VTI1A: variants seen among roughly 807,000 people sequenced by gnomAD.
The protein encoded by VTI1A is vesicle transport through interaction with t-SNAREs 1A.
A neutral mutation model predicts 34.9 loss-of-function variants in VTI1A; 22 were observed. The observed-to-expected ratio is 0.63, with a 90% CI of 0.45 to 0.90. VTI1A has a LOEUF of 0.90. VTI1A is among the 40% of genes least tolerant of loss of function. The pLI is 0.00. For missense variants in VTI1A, 268 were observed against 275.6 expected, an observed-to-expected ratio of 0.97 and a Z score of 0.20; for synonymous variants, 87 against 97.3, an observed-to-expected ratio of 0.89 and a Z score of 0.62.
At chr10:112,803,421 G>C (rs1852947073) in intron 7 of VTI1A, among the ~76,000 whole-genome samples, 1 of 152,188 alleles carries the variant, frequency 6.6e-6, no homozygotes, top group Non-Finnish European at 1.5e-5. Context: ...TAAGAGGTGG[G>C]GCCACTGATG....
At chr10:112,514,255 G>T (rs1849702827) in intron 3 of VTI1A, among the ~76,000 whole-genome samples, 1 of 151,838 alleles carries the variant, frequency 6.6e-6, no homozygotes, top group South Asian at 2.1e-4. Flanking sequence ...TATGTGCCTA[G>T]GAATTTATCC....
At chr10:112,838,809 C>T in the VTI1A span, among the ~76,000 whole-genome samples, 1 of 152,218 alleles carries the variant, frequency 6.6e-6, no homozygotes, top group African/African-American at 2.4e-5. Flanking sequence ...AAATCCCGAT[C>T]CTGCATCTCC....
At chr10:112,751,444 G>A (rs1590150975) in intron 7 of VTI1A, among the ~76,000 whole-genome samples, 1 of 140,668 alleles carries the variant, frequency 7.1e-6, no homozygotes, top group Non-Finnish European at 1.5e-5. Context: ...ATCATGTAGA[G>A]GAAAGCAACA....
chr10:112,752,578 A>G, intron 7 of VTI1A: 1 of 985,392 alleles, frequency 1.0e-6, no homozygotes, highest in South Asian at 4.7e-5. Flanking sequence ...AAAAACGCCC[A>G]CTTAATAAAA....
chr10:112,758,696 G>C (rs1289903213), intron 7 of VTI1A, among the ~76,000 whole-genome samples: 1 of 152,204 alleles, frequency 6.6e-6, no homozygotes, highest in African/African-American at 2.4e-5. Context: ...TACTGAGTCT[G>C]TTTCCTCTTC....
chr10:112,726,081 G>A (rs1358976672), intron 7 of VTI1A, among the ~76,000 whole-genome samples: 1 of 152,126 alleles, frequency 6.6e-6, no homozygotes, highest in African/African-American at 2.4e-5. Context: ...TGTTTATGTT[G>A]GAGTGGTAAC....
chr10:112,581,244 T>G (rs1843924052), intron 5 of VTI1A, among the ~76,000 whole-genome samples: 1 of 152,228 alleles, frequency 6.6e-6, no homozygotes, highest in South Asian at 2.1e-4. Flanking sequence ...GCATAGCCCT[T>G]TCTTTCAGAG....
chr10:112,551,577 G>T (rs185626170), intron 5 of VTI1A, among the ~76,000 whole-genome samples: 204 of 152,272 alleles, frequency 1.3e-3, no homozygotes, highest in Admixed American at 3.3e-3. Flanking sequence ...ACAAATCCTG[G>T]CACTGTCCTT....
At chr10:112,515,705 T>C (rs1171682631) in intron 3 of VTI1A, among the ~76,000 whole-genome samples, 1 of 152,076 alleles carries the variant, frequency 6.6e-6, no homozygotes, top group Non-Finnish European at 1.5e-5. Context: ...AATTTTGACT[T>C]GGAACTTCAT....
intron 5 of VTI1A, among the ~76,000 whole-genome samples, chr10:112,655,364 T>C (rs1331691096): frequency 1.3e-5 from 2 of 152,070 alleles, no homozygotes; most frequent in East Asian, 1.9e-4. Context: ...GGTGTGTGTA[T>C]ATGTGGTGGG....
intron 5 of VTI1A, among the ~76,000 whole-genome samples, chr10:112,571,910 C>T (rs1470859796): frequency 2.0e-5 from 3 of 152,160 alleles, no homozygotes; most frequent in African/African-American, 7.2e-5. Context: ...CATATTCTCA[C>T]TTAAAAGCAG....
intron 3 of VTI1A, among the ~76,000 whole-genome samples, chr10:112,464,957 G>C (rs1847849868): frequency 6.6e-6 from 1 of 152,202 alleles, no homozygotes; most frequent in Non-Finnish European, 1.5e-5. Context: ...TGGCCTTTCA[G>C]GGTTTGGAGC....
At chr10:112,736,701 G>T in intron 7 of VTI1A, 1 of 1,551,682 alleles carries the variant, frequency 6.4e-7, no homozygotes, top group Non-Finnish European at 8.7e-7. Context: ...GCTACATAAG[G>T]ATTTCTCTTC....
intron 6 of VTI1A, 152 bp downstream of exon 6, chr10:112,668,440 G>C: frequency 1.3e-6 from 1 of 783,548 alleles, no homozygotes; most frequent in Admixed American, 2.9e-5. Context: ...AAGAGGGTGA[G>C]ATGGAGCAAA....
intron 5 of VTI1A, among the ~76,000 whole-genome samples, chr10:112,544,064 C>G (rs142228241): frequency 0.04 from 6,162 of 152,230 alleles, 427 homozygotes; most frequent in African/African-American, 0.14. Context: ...CAGTACCATG[C>G]TGTTTTGGTT....
At chr10:112,830,663 G>A in the VTI1A span, among the ~76,000 whole-genome samples, 1 of 150,132 alleles carries the variant, frequency 6.7e-6, no homozygotes, top group Non-Finnish European at 1.5e-5. Context: ...CTGTACCAGG[G>A]ACCAGGAGAA....
chr10:112,644,332 A>G (rs1294297610), intron 5 of VTI1A, among the ~76,000 whole-genome samples: 2 of 152,210 alleles, frequency 1.3e-5, no homozygotes, highest in Middle Eastern at 3.2e-3. Flanking sequence ...GCAGGTGGTA[A>G]TAATGCCTAT....
At chr10:112,624,545 T>A (rs1300353138) in intron 5 of VTI1A, among the ~76,000 whole-genome samples, 1 of 152,154 alleles carries the variant, frequency 6.6e-6, no homozygotes, top group African/African-American at 2.4e-5. Flanking sequence ...TTCATTTTTA[T>A]GTTTTTTTTA....
At chr10:112,663,406 G>A (rs1421569926) in intron 5 of VTI1A, among the ~76,000 whole-genome samples, 2 of 152,170 alleles carry the variant, frequency 1.3e-5, no homozygotes, top group South Asian at 4.1e-4. Flanking sequence ...ACTTCCTCCA[G>A]AAAAGTTTAG....
Sources: gnomAD v4.1 joint callset for allele counts (sites outside exome capture counted in the v4.1 genomes callset) on GRCh38, gnomAD v4.1.1 for gene constraint, MANE v1.5 for transcripts, NCBI Gene and HGNC (gene_info 2026-07-23, HGNC 2026-07-21) for gene names.